Variants in AMBRA1 observed in about 807,000 individuals in gnomAD.
AMBRA1 encodes activating molecule in BECN1-regulated autophagy protein 1.
Under a neutral mutation model 125.4 loss-of-function variants are expected in AMBRA1, and 47 were observed. The ratio of observed to expected loss-of-function variants is 0.37; its 90% CI spans 0.30 to 0.48. AMBRA1 has a LOEUF of 0.48. AMBRA1 is among the 20% of genes least tolerant of loss of function. AMBRA1 has a pLI of 0.99. For synonymous variants in AMBRA1, 626 were observed against 655.5 expected (o/e 0.95, Z 0.69); for missense variants, 1,331 against 1,693.4 (o/e 0.79, Z 3.76).
chr11:46,529,705 C>T (rs1022951380), intron 7 of AMBRA1, among the ~76,000 whole-genome samples: 1 of 152,032 alleles, frequency 6.6e-6, no homozygotes, highest in Non-Finnish European at 1.5e-5. Flanking sequence ...GGAATGTGAG[C>T]CTGTTTTTTC....
At chr11:46,475,318 T>C (rs1949774406) in intron 11 of AMBRA1, among the ~76,000 whole-genome samples, 1 of 152,232 alleles carries the variant, frequency 6.6e-6, no homozygotes, top group Admixed American at 6.5e-5. Context: ...CGTTCAACGT[T>C]TAAGAACATC....
chr11:46,490,806 C>T (rs1950433268), intron 11 of AMBRA1, among the ~76,000 whole-genome samples: 2 of 152,174 alleles, frequency 1.3e-5, no homozygotes, highest in African/African-American at 4.8e-5. Context: ...CTTATTCACT[C>T]TGGTAACCTA....
chr11:46,558,694 A>G (rs929436727), intron 1 of AMBRA1, among the ~76,000 whole-genome samples: 3 of 152,334 alleles, frequency 2.0e-5, no homozygotes, highest in African/African-American at 7.2e-5. Context: ...GGAAATTAAT[A>G]AATTTAGGTA....
chr11:46,469,001 G>C (rs1229529711), intron 11 of AMBRA1, among the ~76,000 whole-genome samples: 5 of 151,448 alleles, frequency 3.3e-5, no homozygotes, highest in African/African-American at 9.7e-5. Flanking sequence ...AAATTAGCTG[G>C]GTGTGGTGGT....
chr11:46,588,778 A>G (rs907108004), intron 1 of AMBRA1, among the ~76,000 whole-genome samples: 4 of 149,348 alleles, frequency 2.7e-5, no homozygotes, highest in Admixed American at 2.0e-4. Context: ...TCCATCTCAA[A>G]AAAAAAAAAA....
chr11:46,566,708 T>A (rs1282591856), intron 1 of AMBRA1, among the ~76,000 whole-genome samples: 1 of 152,102 alleles, frequency 6.6e-6, no homozygotes, highest in African/African-American at 2.4e-5. Context: ...ATTGTAACAG[T>A]AAGAAAAGCA....
intron 1 of AMBRA1, among the ~76,000 whole-genome samples, chr11:46,566,414 T>G (rs146934554): frequency 1.3e-5 from 2 of 150,328 alleles, no homozygotes; most frequent in East Asian, 3.9e-4. Flanking sequence ...CGAGACTACA[T>G]CTCAAGAAAA....
At chr11:46,463,731 T>C (rs1350375052) in intron 11 of AMBRA1, among the ~76,000 whole-genome samples, 6 of 152,202 alleles carry the variant, frequency 3.9e-5, no homozygotes, top group African/African-American at 1.4e-4. Context: ...CTTCTGGAAG[T>C]CTACATAGCA....
chr11:46,433,583 A>T lies in AMBRA1; in HGVS notation c.2867T>A (p.Val956Glu). ...CCTTCGTGAGGCCAAGCCCACCATT[A>T]CATATCTGCCCATTGGGGACAGGCT... is the stretch of plus-strand genomic sequence containing the variant. ...SVSLSPMGRYVMVGLASRRIL... is the reference protein window; with the variant it reads ...SVSLSPMGRYEMVGLASRRIL... Residue 956 changes from valine to glutamate, a missense_variant, in exon 14 of 18, where the codon GTA becomes GAA. By Grantham distance (121) the Val-to-Glu change is moderately radical. Coordinates refer to ENST00000683756, the MANE Select transcript of AMBRA1 (RefSeq NM_001387011.1). 6.2e-7 allele frequency: 1 copy of T among 1,614,158 alleles called. No individual in the cohort carries two copies. The highest frequency in any genetic ancestry group is 8.5e-7 in the Non-Finnish European group (1 of 1,180,008).
At chr11:46,533,152 G>C (rs576280039) in intron 7 of AMBRA1, among the ~76,000 whole-genome samples, 32 of 151,022 alleles carry the variant, frequency 2.1e-4, no homozygotes, top group African/African-American at 7.8e-4. Flanking sequence ...TACAAAGCGA[G>C]ACTCTGTCTC....
chr11:46,423,629 G>C (rs1027119691), intron 14 of AMBRA1, among the ~76,000 whole-genome samples: 1 of 152,026 alleles, frequency 6.6e-6, no homozygotes, highest in Non-Finnish European at 1.5e-5. Flanking sequence ...CTGACCTTGT[G>C]ATCTGCCTGC....
intron 1 of AMBRA1, among the ~76,000 whole-genome samples, chr11:46,567,299 T>TG (rs1490859837): frequency 1.3e-5 from 2 of 152,160 alleles, no homozygotes; most frequent in Non-Finnish European, 2.9e-5. Flanking sequence ...CTCGAACTCC[T>TG]GACCTCTGGA....
intron 1 of AMBRA1, among the ~76,000 whole-genome samples, chr11:46,580,085 T>C (rs1482271318): frequency 6.6e-6 from 1 of 152,360 alleles, no homozygotes; most frequent in South Asian, 2.1e-4. Context: ...CCCAATTCAA[T>C]TTAGCTTCTG....
At chr11:46,470,055 A>G (rs1042176362) in intron 11 of AMBRA1, among the ~76,000 whole-genome samples, 1 of 152,196 alleles carries the variant, frequency 6.6e-6, no homozygotes, top group African/African-American at 2.4e-5. Context: ...GTAGCAAGAT[A>G]CTTTATACAT....
At chr11:46,509,656 T>C (rs1264186634) in intron 8 of AMBRA1, among the ~76,000 whole-genome samples, 1 of 152,112 alleles carries the variant, frequency 6.6e-6, no homozygotes. Flanking sequence ...AGGAAAGTCC[T>C]CTAAAATAAA....
intron 1 of AMBRA1, among the ~76,000 whole-genome samples, chr11:46,566,295 G>A (rs934466912): frequency 1.3e-5 from 2 of 152,054 alleles, no homozygotes; most frequent in African/African-American, 2.4e-5. Context: ...GCGGGCACCT[G>A]TAGTCCCAGC....
At chr11:46,573,278 A>G (rs1211447401) in intron 1 of AMBRA1, among the ~76,000 whole-genome samples, 1 of 150,354 alleles carries the variant, frequency 6.7e-6, no homozygotes, top group African/African-American at 2.5e-5. Flanking sequence ...GGTGGCACGC[A>G]CCTGTAATCC....
At chr11:46,446,543 CAG>C (rs1008566187) in intron 11 of AMBRA1, among the ~76,000 whole-genome samples, 1 of 152,166 alleles carries the variant, frequency 6.6e-6, no homozygotes, top group Non-Finnish European at 1.5e-5. Flanking sequence ...AAGCTAGACT[CAG>C]AGTTTCTCAA....
At chr11:46,549,126 A>G (rs2042913107) in intron 1 of AMBRA1, 1 of 152,216 alleles carries the variant, frequency 6.6e-6, no homozygotes, top group African/African-American at 2.4e-5. Flanking sequence ...CTCATCTACC[A>G]CAAGACTTAC....
Sources: gnomAD v4.1 joint callset for allele counts (sites outside exome capture counted in the v4.1 genomes callset) on GRCh38, gnomAD v4.1.1 for gene constraint, MANE v1.5 for transcripts, NCBI Gene and HGNC (gene_info 2026-07-23, HGNC 2026-07-21) for gene names.